FREM2: variants seen among roughly 807,000 people sequenced by gnomAD.
FREM2 encodes FRAS1-related extracellular matrix protein 2.
A neutral mutation model predicts 219.9 loss-of-function variants in FREM2; 119 were observed. The ratio of observed to expected loss-of-function variants is 0.54; its 90% CI spans 0.47 to 0.63. FREM2 has a LOEUF of 0.63. Among genes scored for constraint, FREM2 ranks in the 30% least tolerant of loss-of-function variants. The probability of loss-of-function intolerance (pLI) is 0.00; values close to 1 mark genes in which losing one functional copy is unlikely to be tolerated. For missense variants in FREM2, 4,030 were observed against 3,993.6 expected, an observed-to-expected ratio of 1.01 and a Z score of -0.25; for synonymous variants, 1,562 against 1,522.8, an observed-to-expected ratio of 1.03 and a Z score of -0.60.
intron 23 of FREM2, 72 bp downstream of exon 23, chr13:38,879,049 A>G: frequency 2.2e-6 from 3 of 1,339,208 alleles, no homozygotes; most frequent in Non-Finnish European, 2.2e-6. Context: ...TATATGCCTC[A>G]GATGTCTCAT....
chr13:38,874,506 G>T lies in FREM2; in HGVS notation c.8201G>T (p.Arg2734Leu). 1.2e-6 allele frequency: 2 copies of T among 1,613,932 alleles called. No individual in the cohort carries two copies. The highest frequency in any genetic ancestry group is 1.7e-6 in the Non-Finnish European group (2 of 1,179,852). The part of the protein sequence containing the change: ...LQGSLYPTSM[R>L]IGDEGRLAVH... ...GGTTCTCTCTATCCAACCAGCATGC[G>T]CATCGGTGATGAGGGGCGCTTGGCC... Residue 2734 changes from arginine (R) to leucine (L), a missense_variant, in exon 18 of 24, where the codon CGC becomes CTC. Transcript: ENST00000280481.
intron 2 of FREM2, among the ~76,000 whole-genome samples, chr13:38,740,848 A>G (rs906879193): frequency 1.3e-4 from 20 of 152,356 alleles, no homozygotes; most frequent in African/African-American, 4.6e-4. Context: ...TTAGAAGAAG[A>G]TAAGAATCAG....
At chr13:38,762,193 C>G (rs948520206) in intron 2 of FREM2, among the ~76,000 whole-genome samples, 4 of 152,110 alleles carry the variant, frequency 2.6e-5, no homozygotes, top group Non-Finnish European at 4.4e-5. Context: ...CCTCACCTGA[C>G]TCTCCAGAAA....
intron 4 of FREM2, among the ~76,000 whole-genome samples, chr13:38,776,962 C>G (rs543908036): frequency 6.6e-6 from 1 of 151,998 alleles, no homozygotes; most frequent in Non-Finnish European, 1.5e-5. Context: ...TGAACACCTT[C>G]ACAAAGACAG....
chr13:38,718,130 T>G (rs1280937396), intron 2 of FREM2, among the ~76,000 whole-genome samples: 1 of 152,230 alleles, frequency 6.6e-6, no homozygotes, highest in Non-Finnish European at 1.5e-5. Context: ...TGACGTTTCA[T>G]AGCATGTTTT....
Position 38,692,482 on chromosome 13 carries a change from A to T in FREM2, c.5138A>T (p.Asp1713Val), listed in dbSNP as rs778728471. ...APQHGYLLNL[D>V]KGNHSITQFT... ...CAACATGGATATCTTCTCAACCTGG[A>T]CAAAGGCAACCACAGCATCACTCAG... The change falls in exon 1 of 24, where the codon GAC (aspartate) becomes GTC (valine). Residue 1713 changes from aspartate to valine, a missense_variant. By Grantham distance (152) the Asp-to-Val change is radical. Transcript: ENST00000280481. 1 of 1,612,822 alleles carries T rather than the reference A, an allele frequency of 6.2e-7. No individual in the cohort carries two copies. The highest frequency in any genetic ancestry group is 8.5e-7 in the Non-Finnish European group (1 of 1,180,016).
chr13:38,703,779 G>A (rs995289256), intron 2 of FREM2, among the ~76,000 whole-genome samples: 4 of 151,824 alleles, frequency 2.6e-5, no homozygotes, highest in African/African-American at 4.8e-5. Context: ...CTTTAGTTCC[G>A]AGAACATTTT....
chr13:38,770,464 GAATT>G (rs1490828637), intron 4 of FREM2, among the ~76,000 whole-genome samples: 1 of 152,004 alleles, frequency 6.6e-6, no homozygotes, highest in East Asian at 1.9e-4. Context: ...CATTTTTAAT[GAATT>G]AATTCATCAC....
chr13:38,818,444 T>C (rs1386602524), intron 6 of FREM2, among the ~76,000 whole-genome samples: 1 of 151,726 alleles, frequency 6.6e-6, no homozygotes, highest in African/African-American at 2.4e-5. Context: ...GAAAGACAAA[T>C]ACCACATGAT....
chr13:38,779,174 C>T (rs1000573724), intron 4 of FREM2, among the ~76,000 whole-genome samples: 6 of 149,844 alleles, frequency 4.0e-5, no homozygotes, highest in East Asian at 2.0e-4. Context: ...GGGAGTTAGA[C>T]AATGAGAACA....
chr13:38,759,914 T>C (rs1436405349), intron 2 of FREM2, among the ~76,000 whole-genome samples: 1 of 152,216 alleles, frequency 6.6e-6, no homozygotes, highest in African/African-American at 2.4e-5. Context: ...TTCAATAAAA[T>C]ACAGAGTTCA....
intron 4 of FREM2, among the ~76,000 whole-genome samples, chr13:38,776,861 C>T (rs1332288695): frequency 6.6e-6 from 1 of 151,512 alleles, no homozygotes; most frequent in Non-Finnish European, 1.5e-5. Flanking sequence ...TGAGAGTAAC[C>T]ATTGTTAACA....
chr13:38,746,279 A>G (rs529406204), intron 2 of FREM2, among the ~76,000 whole-genome samples: 1 of 152,306 alleles, frequency 6.6e-6, no homozygotes, highest in African/African-American at 2.4e-5. Context: ...AAGTAGGGAA[A>G]ACCTGTACAC....
In FREM2 at chr13:38,883,978, T is replaced by C. The variant is rs1044674937; in HGVS notation, c.*3191T>C. On this transcript the variant is annotated 3_prime_UTR_variant, in exon 24 of 24. Coordinates refer to ENST00000280481, the MANE Select transcript of FREM2 (RefSeq NM_207361.6). ...AGCTGTGGGTGGGACTGCACATTCTTTTCCTCTTAGTAAAAGATAGGCCCA... is the reference window on the plus strand; with the variant it reads ...AGCTGTGGGTGGGACTGCACATTCTCTTCCTCTTAGTAAAAGATAGGCCCA... 1.3e-5 allele frequency: 2 copies of C among 152,138 alleles called. No homozygotes were observed. Among genetic ancestry groups the C allele is most frequent in the African/African-American group, 4.8e-5 (2 of 41,406 alleles). The allele number at this position is 152,138 out of a possible 1,614,324, so 9.4% of individuals were successfully genotyped here.
chr13:38,873,501 G>A (rs186685203), intron 17 of FREM2, among the ~76,000 whole-genome samples: 1 of 152,274 alleles, frequency 6.6e-6, no homozygotes, highest in Non-Finnish European at 1.5e-5. Context: ...TTACTCTGGG[G>A]TACTTTAGTT....
At chr13:38,802,568 T>C (rs566471381) in intron 6 of FREM2, among the ~76,000 whole-genome samples, 36 of 152,252 alleles carry the variant, frequency 2.4e-4, no homozygotes, top group Admixed American at 5.9e-4. Flanking sequence ...CCCACCCCAA[T>C]GGCAGTAAGA....
rs776940394 is a variant in FREM2 at position 38,687,802 on chromosome 13, T to A, written c.458T>A (p.Leu153Gln). ...ARSPSRDRVR[L>Q]QLRYDAPGGA... ...AGCCCGTCTCGGGACCGCGTCCGGC[T>A]GCAGCTGCGCTATGACGCGCCCGGA... Residue 153 changes from leucine (L) to glutamine (Q), a missense_variant, in exon 1 of 24, where the codon CTG becomes CAG. By Grantham distance (113) the Leu-to-Gln change is moderately radical. Around this residue, in one of 2 missense-constraint regions of FREM2, gnomAD observed 3,102 missense variants for 2,950.7 expected, o/e 1.05. Transcript: ENST00000280481. The A allele has an allele frequency of 9.7e-6, 15 of 1,540,954 alleles. No individual in the cohort carries two copies. The highest frequency in any genetic ancestry group is 1.3e-5 in the Non-Finnish European group (15 of 1,139,626).
intron 6 of FREM2, among the ~76,000 whole-genome samples, chr13:38,841,032 A>C (rs1246847002): frequency 6.6e-6 from 1 of 152,064 alleles, no homozygotes; most frequent in Non-Finnish European, 1.5e-5. Context: ...CTTTATCTAG[A>C]TATGCATCCT....
chr13:38,787,297 A>G (rs1022234799), intron 6 of FREM2, among the ~76,000 whole-genome samples: 2 of 152,182 alleles, frequency 1.3e-5, no homozygotes, highest in African/African-American at 4.8e-5. Flanking sequence ...CAAAAGTCCT[A>G]TGCATACTGC....
Sources: gnomAD v4.1 joint callset for allele counts (sites outside exome capture counted in the v4.1 genomes callset) on GRCh38, gnomAD v4.1.1 for gene constraint, gnomAD v4.1.1 regional missense constraint, MANE v1.5 for transcripts, NCBI Gene and HGNC (gene_info 2026-07-23, HGNC 2026-07-21) for gene names.